TAFA2: variants seen among roughly 807,000 people sequenced by gnomAD.
TAFA2 encodes TAFA chemokine like family member 2, also known as chemokine-like protein TAFA-2.
In TAFA2, 7 loss-of-function variants were observed where a neutral mutation model predicts 18.8. That is an observed-to-expected ratio of 0.37 (90% CI 0.21 to 0.70). The LOEUF (loss-of-function observed/expected upper bound fraction) is 0.70, where lower values mean the gene tolerates loss of function less well. TAFA2 is among the 30% of genes least tolerant of loss of function. TAFA2 has a pLI of 0.53. For synonymous variants in TAFA2, 60 were observed against 54.2 expected (o/e 1.11, Z -0.47); for missense variants, 122 against 158.1 (o/e 0.77, Z 1.23).
chr12:62,031,599 G>A (rs764710326), intron 1 of TAFA2, among the ~76,000 whole-genome samples: 9 of 152,138 alleles, frequency 5.9e-5, no homozygotes, highest in Non-Finnish European at 1.0e-4. Flanking sequence ...GTTTTAGGGT[G>A]TAGGGCCAAG....
chr12:62,146,200 G>GA (rs1565759654), intron 1 of TAFA2, among the ~76,000 whole-genome samples: 1 of 151,866 alleles, frequency 6.6e-6, no homozygotes, highest in East Asian at 1.9e-4. Flanking sequence ...TCAAGAAGGG[G>GA]AAGCACCTTA....
intron 4 of TAFA2, among the ~76,000 whole-genome samples, chr12:61,752,522 C>T (rs911399346): frequency 2.0e-5 from 3 of 151,910 alleles, no homozygotes; most frequent in African/African-American, 4.8e-5. Context: ...TATAATTATC[C>T]TAACTAATTG....
At chr12:61,989,234 C>G (rs1277356648) in intron 1 of TAFA2, among the ~76,000 whole-genome samples, 3 of 151,978 alleles carry the variant, frequency 2.0e-5, no homozygotes, top group Non-Finnish European at 4.4e-5. Flanking sequence ...TTGCATGTGT[C>G]CTCTCACCAA....
At chr12:61,811,935 A>G (rs1325718712) in intron 2 of TAFA2, among the ~76,000 whole-genome samples, 1 of 151,490 alleles carries the variant, frequency 6.6e-6, no homozygotes, top group Non-Finnish European at 1.5e-5. Context: ...TAGGTAGATA[A>G]ATCTAATGAT....
At chr12:62,136,897 A>G (rs1870917287) in intron 1 of TAFA2, among the ~76,000 whole-genome samples, 1 of 152,140 alleles carries the variant, frequency 6.6e-6, no homozygotes, top group Admixed American at 6.6e-5. Flanking sequence ...TTATTCCCAG[A>G]AAATATATGC....
intron 1 of TAFA2, among the ~76,000 whole-genome samples, chr12:61,886,674 C>T (rs1181709141): frequency 6.6e-6 from 1 of 152,148 alleles, no homozygotes; most frequent in African/African-American, 2.4e-5. Context: ...TCACTAAGGG[C>T]TTACAGTCTA....
chr12:62,005,964 C>A (rs1303382514), intron 1 of TAFA2, among the ~76,000 whole-genome samples: 2 of 152,150 alleles, frequency 1.3e-5, no homozygotes, highest in Non-Finnish European at 2.9e-5. Context: ...TACAATTCAT[C>A]ATTTTCCTAT....
intron 2 of TAFA2, among the ~76,000 whole-genome samples, chr12:61,843,732 A>G (rs550666852): frequency 6.6e-6 from 1 of 152,296 alleles, no homozygotes; most frequent in South Asian, 2.1e-4. Context: ...ATACACACAT[A>G]AATACGTAAA....
chr12:62,188,674 A>T (rs1418743962), intron 1 of TAFA2, among the ~76,000 whole-genome samples: 2 of 152,210 alleles, frequency 1.3e-5, no homozygotes, highest in African/African-American at 2.4e-5. Context: ...AAATACATTT[A>T]AAAATGATCA....
chr12:62,231,203 A>T (rs1339947392), intron 1 of TAFA2, among the ~76,000 whole-genome samples: 4 of 152,068 alleles, frequency 2.6e-5, no homozygotes, highest in African/African-American at 9.7e-5. Context: ...TGTTTGCTTT[A>T]TATATTTGCT....
At chr12:62,166,239 T>C (rs1227280666) in intron 1 of TAFA2, among the ~76,000 whole-genome samples, 2 of 152,162 alleles carry the variant, frequency 1.3e-5, no homozygotes, top group African/African-American at 2.4e-5. Flanking sequence ...CCTATAAGAT[T>C]GGCATAAATG....
chr12:61,755,046 G>C (rs759918485), intron 2 of TAFA2, 22 bp from the exon 3 acceptor site: 35 of 1,610,760 alleles, frequency 2.2e-5, no homozygotes, highest in Non-Finnish European at 2.5e-5. Flanking sequence ...AAAAAGATAA[G>C]ACAACATTGA....
intron 1 of TAFA2, among the ~76,000 whole-genome samples, chr12:62,008,387 A>T (rs559549802): frequency 6.6e-6 from 1 of 152,308 alleles, no homozygotes; most frequent in East Asian, 1.9e-4. Context: ...TATACTTTTT[A>T]AAATTAACAT....
intron 1 of TAFA2, among the ~76,000 whole-genome samples, chr12:61,902,747 G>A (rs188533873): frequency 1.1e-3 from 172 of 152,180 alleles, no homozygotes; most frequent in Non-Finnish European, 1.9e-3. Flanking sequence ...TGCCAAACCT[G>A]CACATTCAAT....
At chr12:62,086,790 A>G (rs1868476133) in intron 1 of TAFA2, among the ~76,000 whole-genome samples, 1 of 152,154 alleles carries the variant, frequency 6.6e-6, no homozygotes, top group African/African-American at 2.4e-5. Flanking sequence ...CTGGTTATAT[A>G]ACCAAGAGAG....
chr12:62,221,246 GA>G (rs1267561395), intron 1 of TAFA2, among the ~76,000 whole-genome samples: 2 of 150,194 alleles, frequency 1.3e-5, no homozygotes, highest in African/African-American at 4.9e-5. Context: ...AGGAAGGAAG[GA>G]AGGAAGGAAG....
chr12:62,185,519 T>G (rs1781193078), intron 1 of TAFA2, among the ~76,000 whole-genome samples: 1 of 152,160 alleles, frequency 6.6e-6, no homozygotes, highest in African/African-American at 2.4e-5. Context: ...TCTGAGAAAT[T>G]TTCTGAACAC....
intron 4 of TAFA2, among the ~76,000 whole-genome samples, chr12:61,740,746 T>A (rs575694995): frequency 6.6e-6 from 1 of 151,354 alleles, no homozygotes; most frequent in African/African-American, 2.4e-5. Context: ...AGCAATAAAA[T>A]ATAAAGGTAA....
chr12:61,733,391 T>C (rs1283239741), intron 4 of TAFA2, among the ~76,000 whole-genome samples: 3 of 152,092 alleles, frequency 2.0e-5, no homozygotes, highest in African/African-American at 4.8e-5. Context: ...TCTTCTAGGG[T>C]TTTTATGGTT....
Sources: allele counts gnomAD v4.1 joint callset (sites outside exome capture counted in the v4.1 genomes callset), GRCh38; gene constraint gnomAD v4.1.1; transcripts MANE v1.5; gene names NCBI Gene and HGNC (gene_info 2026-07-23, HGNC 2026-07-21).